TMEM132D: variants seen among roughly 807,000 people sequenced by gnomAD.
TMEM132D encodes transmembrane protein 132D, also known as mature OL transmembrane protein.
TMEM132D carries 21 observed loss-of-function variants against 62.3 expected under a neutral mutation model. The observed-to-expected ratio is 0.34, with a 90% CI of 0.24 to 0.49. The LOEUF (loss-of-function observed/expected upper bound fraction) is 0.49. TMEM132D is among the 20% of genes least tolerant of loss of function. The probability of loss-of-function intolerance (pLI) is 0.99; values close to 1 mark genes in which losing one functional copy is unlikely to be tolerated. For missense variants in TMEM132D, 1,346 were observed against 1,402.8 expected (o/e 0.96, Z 0.65); for synonymous variants, 621 against 575.6 (o/e 1.08, Z -1.13).
rs1375786103 is a variant in TMEM132D at position 129,074,881 on chromosome 12, G to T, written c.2294C>A (p.Thr765Asn). The part of the protein sequence containing the change: ...IIAAETEGQG[T>N]LVKVEMVISE... Reference sequence around the variant, plus strand: ...AATAACCATTTCCACCTTGACCAGGGTGCCTTGTCCTTCTGTTTCCGCAGC... The same window carrying T: ...AATAACCATTTCCACCTTGACCAGGTTGCCTTGTCCTTCTGTTTCCGCAGC... The change falls in exon 9 of 9, where the codon ACC (threonine) becomes AAC (asparagine). Residue 765 changes from threonine (T) to asparagine (N), a missense_variant. Thr to Asn is a moderately conservative substitution (Grantham distance 65). Coordinates refer to ENST00000422113, the MANE Select transcript of TMEM132D (RefSeq NM_133448.3). 2.5e-6 allele frequency: 4 copies of T among 1,613,866 alleles called. No homozygotes were observed. The highest frequency in any genetic ancestry group is 3.4e-6 in the Non-Finnish European group (4 of 1,180,004).
At chr12:129,842,097 A>ATTTTTTTTTTTTTTTTTTT (rs746315309) in intron 1 of TMEM132D, among the ~76,000 whole-genome samples, 3 of 97,448 alleles carry the variant, frequency 3.1e-5, no homozygotes, top group African/African-American at 4.1e-5. Context: ...CGCCCGGCTA[A>ATTTTTTTTTTTTTTTTTTT]TTTTTTTTTT....
intron 5 of TMEM132D, among the ~76,000 whole-genome samples, chr12:129,104,839 T>C (rs1450494852): frequency 2.8e-5 from 4 of 142,364 alleles, no homozygotes; most frequent in African/African-American, 1.1e-4. Flanking sequence ...AAAACCACAA[T>C]GAGATACCAT....
chr12:129,212,015 GT>G (rs1276783559), intron 4 of TMEM132D: 1 of 152,172 alleles, frequency 6.6e-6, no homozygotes, highest in Non-Finnish European at 1.5e-5. Context: ...GAACAATGCT[GT>G]TTAACTTGCT....
intron 3 of TMEM132D, among the ~76,000 whole-genome samples, chr12:129,429,827 G>C (rs946063621): frequency 3.4e-5 from 5 of 147,058 alleles, no homozygotes; most frequent in Non-Finnish European, 7.4e-5. Flanking sequence ...GTGAGAACAC[G>C]CGGTGTTTGG....
intron 3 of TMEM132D, among the ~76,000 whole-genome samples, chr12:129,352,368 G>C (rs1011826514): frequency 4.6e-5 from 7 of 151,724 alleles, no homozygotes; most frequent in Non-Finnish European, 7.4e-5. Flanking sequence ...ACCTAGGGTG[G>C]ACGCCTTCCT....
intron 5 of TMEM132D, among the ~76,000 whole-genome samples, chr12:129,091,586 A>G (rs985208752): frequency 2.0e-5 from 3 of 149,818 alleles, no homozygotes; most frequent in Non-Finnish European, 3.0e-5. Flanking sequence ...ACCTATCCTC[A>G]CCTGGGCTCT....
At chr12:129,784,853 A>G (rs545642143) in intron 1 of TMEM132D, among the ~76,000 whole-genome samples, 2 of 152,306 alleles carry the variant, frequency 1.3e-5, no homozygotes, top group Admixed American at 1.3e-4. Context: ...GCCATTCTAT[A>G]TAAAATGTCA....
chr12:129,757,404 C>T (rs1203958649), intron 1 of TMEM132D, among the ~76,000 whole-genome samples: 1 of 152,136 alleles, frequency 6.6e-6, no homozygotes. Flanking sequence ...GACTGCGTAT[C>T]TGTGGTTTCA....
At chr12:129,419,111 T>C (rs571179422) in intron 3 of TMEM132D, among the ~76,000 whole-genome samples, 1 of 152,332 alleles carries the variant, frequency 6.6e-6, no homozygotes, top group South Asian at 2.1e-4. Flanking sequence ...ACCCAGTTTG[T>C]GGGACTTCGT....
intron 1 of TMEM132D, among the ~76,000 whole-genome samples, chr12:129,880,633 C>T (rs78326892): frequency 0.04 from 6,154 of 152,140 alleles, 405 homozygotes; most frequent in African/African-American, 0.14. Context: ...TTACACCACA[C>T]GCGAAGTAGT....
intron 2 of TMEM132D, among the ~76,000 whole-genome samples, chr12:129,562,318 CTT>C (rs879891014): frequency 9.2e-5 from 14 of 152,322 alleles, no homozygotes; most frequent in Admixed American, 9.1e-4. Context: ...ACACTCTACT[CTT>C]AGTGAAGACC....
chr12:129,157,579 T>C (rs148767559), intron 5 of TMEM132D, among the ~76,000 whole-genome samples: 3 of 152,328 alleles, frequency 2.0e-5, no homozygotes, highest in African/African-American at 7.2e-5. Context: ...GTAAACACAA[T>C]GGAAGCAACA....
chr12:129,684,063 T>G (rs548500321), intron 2 of TMEM132D, among the ~76,000 whole-genome samples: 1 of 152,168 alleles, frequency 6.6e-6, no homozygotes, highest in African/African-American at 2.4e-5. Flanking sequence ...AAGAAGACCA[T>G]GAAGAACTTT....
At chr12:129,109,772 A>G in intron 5 of TMEM132D, 2 of 159,164 alleles carry the variant, frequency 1.3e-5, no homozygotes, top group Admixed American at 6.5e-5. Flanking sequence ...GTCCAATGAA[A>G]CCTCTTTTTG....
intron 5 of TMEM132D, among the ~76,000 whole-genome samples, chr12:129,087,919 C>T (rs79014219): frequency 0.032 from 2,096 of 66,112 alleles, 18 homozygotes; most frequent in East Asian, 0.046. Context: ...GGGTGTCCTC[C>T]CTGACCGGGT....
At chr12:129,873,746 CATTTTTCATTTT>C (rs1874328788) in intron 1 of TMEM132D, among the ~76,000 whole-genome samples, 1 of 4,766 alleles carries the variant, frequency 2.1e-4, no homozygotes, top group Non-Finnish European at 0.012. Flanking sequence ...CCTTTGTTTT[CATTTTTCATTTT>C]TGTGGTTAAA....
chr12:129,474,484 G>T (rs1285360351), intron 3 of TMEM132D, among the ~76,000 whole-genome samples: 1 of 152,170 alleles, frequency 6.6e-6, no homozygotes, highest in African/African-American at 2.4e-5. Flanking sequence ...GTGCTCAAAG[G>T]AAGTTCACAA....
intron 4 of TMEM132D, among the ~76,000 whole-genome samples, chr12:129,289,282 A>C (rs911165568): frequency 1.1e-4 from 17 of 152,294 alleles, no homozygotes; most frequent in African/African-American, 3.8e-4. Context: ...CATGGCTCAC[A>C]CCTGTAATCC....
intron 3 of TMEM132D, among the ~76,000 whole-genome samples, chr12:129,402,053 A>G (rs1871639660): frequency 6.6e-6 from 1 of 152,144 alleles, no homozygotes; most frequent in Non-Finnish European, 1.5e-5. Flanking sequence ...CCATTTCAAC[A>G]ACCCAAGCTC....
Sources: allele counts gnomAD v4.1 joint callset (sites outside exome capture counted in the v4.1 genomes callset), GRCh38; gene constraint gnomAD v4.1.1; transcripts MANE v1.5; gene names NCBI Gene and HGNC (gene_info 2026-07-23, HGNC 2026-07-21).